The following AKAP13 variants were observed in gnomAD, a reference collection of about 807,000 sequenced individuals.
The protein encoded by AKAP13 is A-kinase anchor protein 13.
AKAP13 carries 80 observed loss-of-function variants against 264.5 expected under a neutral mutation model. That is an observed-to-expected ratio of 0.30 (90% confidence interval 0.25 to 0.36). The LOEUF (loss-of-function observed/expected upper bound fraction) is 0.36, where lower values mean the gene tolerates loss of function less well. Among genes scored for constraint, AKAP13 ranks in the 10% least tolerant of loss-of-function variants. The probability of loss-of-function intolerance (pLI) is 1.00; values close to 1 mark genes in which losing one functional copy is unlikely to be tolerated. For missense variants in AKAP13, 3,712 were observed against 3,435.2 expected (o/e 1.08, Z -2.01); for synonymous variants, 1,380 against 1,250.2 (o/e 1.10, Z -2.19).
chr15:85,563,845 AC>A (rs2078504852), intron 5 of AKAP13, among the ~76,000 whole-genome samples: 1 of 152,148 alleles, frequency 6.6e-6, no homozygotes, highest in Non-Finnish European at 1.5e-5. Flanking sequence ...TTTCACAGCA[AC>A]CTTTTAAAAG....
At chr15:85,567,742 T>C (rs918880488) in intron 5 of AKAP13, among the ~76,000 whole-genome samples, 3 of 152,264 alleles carry the variant, frequency 2.0e-5, no homozygotes, top group South Asian at 2.1e-4. Context: ...GCCAAGATTT[T>C]ATTTGTTAAC....
At chr15:85,561,440 CTTAACA>C (rs1470335333) in intron 5 of AKAP13, among the ~76,000 whole-genome samples, 1 of 152,158 alleles carries the variant, frequency 6.6e-6, no homozygotes, top group Non-Finnish European at 1.5e-5. Context: ...TGAGATTGAG[CTTAACA>C]TTGCATCTGA....
chr15:85,661,202 C>T (rs1207967713), intron 12 of AKAP13, among the ~76,000 whole-genome samples: 1 of 152,072 alleles, frequency 6.6e-6, no homozygotes, highest in Non-Finnish European at 1.5e-5. Context: ...TTATAGAACA[C>T]ACAATATTTT....
At chr15:85,693,479 A>G (rs1194101779) in intron 17 of AKAP13, 28 bp downstream of exon 17, 1 of 1,608,278 alleles carries the variant, frequency 6.2e-7, no homozygotes, top group Non-Finnish European at 8.5e-7. Context: ...TCCTCTCGTA[A>G]GATGGAACTC....
At chr15:85,569,609 C>T (rs1322923665) in intron 5 of AKAP13, among the ~76,000 whole-genome samples, 5 of 151,914 alleles carry the variant, frequency 3.3e-5, no homozygotes, top group African/African-American at 1.2e-4. Context: ...CACGCCACTA[C>T]ACCCGGCTAA....
chr15:85,688,748 A>C (rs1406877115), intron 16 of AKAP13, among the ~76,000 whole-genome samples: 1 of 152,182 alleles, frequency 6.6e-6, no homozygotes, highest in Non-Finnish European at 1.5e-5. Context: ...CCTTGATCCT[A>C]TGTCCTTTTG....
At chr15:85,526,282 C>CA (rs2077039120) in intron 3 of AKAP13, among the ~76,000 whole-genome samples, 1 of 151,926 alleles carries the variant, frequency 6.6e-6, no homozygotes, top group African/African-American at 2.4e-5. Context: ...TGTTTTGAGA[C>CA]AGAGTCTCAC....
At chr15:85,732,653 T>C (rs1476681750) in intron 30 of AKAP13, among the ~76,000 whole-genome samples, 3 of 150,570 alleles carry the variant, frequency 2.0e-5, no homozygotes, top group South Asian at 4.2e-4. Context: ...TGCAAATCCT[T>C]GTTCTTAAGG....
chr15:85,636,846 C>T (rs1456520318), intron 8 of AKAP13, among the ~76,000 whole-genome samples: 2 of 152,192 alleles, frequency 1.3e-5, no homozygotes, highest in East Asian at 3.9e-4. Context: ...AACTCCTGAC[C>T]TGAAGTGATC....
At chr15:85,658,439 C>A in intron 11 of AKAP13, 98 bp from the exon 12 acceptor site, 2 of 965,160 alleles carry the variant, frequency 2.1e-6, no homozygotes, top group Non-Finnish European at 3.2e-6. Context: ...TCTCTTTGAG[C>A]AGTGTCTCTC....
chr15:85,719,168 C>G lies in AKAP13; in HGVS notation c.6094C>G (p.Gln2032Glu), dbSNP rs759532882. Reference protein sequence around the residue: ...QGMMADLLFEQQMVEKLFPCL... With the variant: ...QGMMADLLFEEQMVEKLFPCL... ...GATGATGGCGGATCTGCTTTTTGAG[C>G]AGCAGATGGTAGAAAAGCTGTTCCC... The change falls in exon 23 of 37, where the codon CAG becomes GAG. Residue 2032 changes from glutamine (Q) to glutamate (E), a missense_variant. Gln to Glu is a conservative substitution (Grantham distance 29, BLOSUM62 2). Coordinates refer to ENST00000394518, the MANE Select transcript of AKAP13 (RefSeq NM_007200.5). 3.1e-6 allele frequency: 5 copies of G among 1,614,120 alleles called. 1 individual carries two copies. The South Asian group carries it at 4.4e-5, about 14-fold the overall frequency.
At chr15:85,687,229 C>G (rs2084988304) in intron 16 of AKAP13, among the ~76,000 whole-genome samples, 1 of 152,102 alleles carries the variant, frequency 6.6e-6, no homozygotes, top group Non-Finnish European at 1.5e-5. Context: ...CCTCACACAA[C>G]CTCACACAAC....
At chr15:85,697,186 G>A (rs1248101850) in intron 17 of AKAP13, among the ~76,000 whole-genome samples, 3 of 152,164 alleles carry the variant, frequency 2.0e-5, no homozygotes, top group Non-Finnish European at 2.9e-5. Context: ...CTATGAAGCC[G>A]AGCTCATGAT....
At chr15:85,515,991 C>A (rs922551763) in intron 2 of AKAP13, among the ~76,000 whole-genome samples, 2 of 151,978 alleles carry the variant, frequency 1.3e-5, no homozygotes, top group African/African-American at 4.8e-5. Flanking sequence ...TTCTGTTGTC[C>A]AATTTTTAAC....
chr15:85,511,878 A>G (rs748821920), intron 2 of AKAP13, among the ~76,000 whole-genome samples: 8 of 152,056 alleles, frequency 5.3e-5, no homozygotes, highest in Non-Finnish European at 1.2e-4. Context: ...AAGCACTTTT[A>G]ACTTTCTCAC....
chr15:85,484,834 A>G (rs1372184390), intron 1 of AKAP13, among the ~76,000 whole-genome samples: 1 of 152,220 alleles, frequency 6.6e-6, no homozygotes, highest in East Asian at 1.9e-4. Flanking sequence ...GTGTTTTTGC[A>G]TGTATGAATG....
intron 2 of AKAP13, among the ~76,000 whole-genome samples, chr15:85,488,688 G>C (rs562827628): frequency 6.6e-6 from 1 of 152,294 alleles, no homozygotes; most frequent in Admixed American, 6.5e-5. Context: ...TACACTGCTG[G>C]CTTAGAACAT....
intron 16 of AKAP13, among the ~76,000 whole-genome samples, chr15:85,688,648 C>CCTA (rs1437746779): frequency 2.0e-5 from 3 of 152,076 alleles, no homozygotes; most frequent in Non-Finnish European, 4.4e-5. Flanking sequence ...AAGCCAAAAG[C>CCTA]CAGTAGGCAG....
intron 4 of AKAP13, among the ~76,000 whole-genome samples, chr15:85,540,264 A>G (rs1381907527): frequency 6.6e-6 from 1 of 152,182 alleles, no homozygotes; most frequent in Non-Finnish European, 1.5e-5. Context: ...CACAGGTGGA[A>G]TGGAATCCCT....
Sources: allele counts gnomAD v4.1 joint callset (sites outside exome capture counted in the v4.1 genomes callset), GRCh38; gene constraint gnomAD v4.1.1; transcripts MANE v1.5; gene names NCBI Gene and HGNC (gene_info 2026-07-23, HGNC 2026-07-21).